SPG11: variants seen among roughly 807,000 people sequenced by gnomAD.
The protein encoded by SPG11 is spatacsin.
Under a neutral mutation model 274.0 loss-of-function variants are expected in SPG11, and 222 were observed. The ratio of observed to expected loss-of-function variants is 0.81; its 90% CI spans 0.73 to 0.91. The LOEUF is 0.91. Among genes scored for constraint, SPG11 ranks in the 40% least tolerant of loss-of-function variants. SPG11 has a pLI of 0.00. For synonymous variants in SPG11, 1,144 were observed against 1,039.7 expected (o/e 1.10, Z -1.93); for missense variants, 3,114 against 2,872.7 (o/e 1.08, Z -1.92).
chr15:44,638,872 T>C (rs917944502), intron 7 of SPG11, among the ~76,000 whole-genome samples: 4 of 152,042 alleles, frequency 2.6e-5, no homozygotes, highest in African/African-American at 9.7e-5. Flanking sequence ...GGTGCATGCC[T>C]GTAATCCTAG....
At chr15:44,620,721 CAG>C (rs1325891560) in intron 14 of SPG11, 2 of 246,378 alleles carry the variant, frequency 8.1e-6, no homozygotes, top group East Asian at 1.1e-4. Flanking sequence ...TTTTTTGAGA[CAG>C]AGTCTCGCTC....
chr15:44,633,445 T>C (rs2084140960), intron 8 of SPG11, 60 bp downstream of exon 8: 2 of 1,419,164 alleles, frequency 1.4e-6, no homozygotes, highest in Non-Finnish European at 1.9e-6. Context: ...CATCATACTT[T>C]GAAAGTTATT....
chr15:44,640,038 G>A (rs1459568357), intron 7 of SPG11, among the ~76,000 whole-genome samples: 2 of 151,912 alleles, frequency 1.3e-5, no homozygotes, highest in African/African-American at 2.4e-5. Flanking sequence ...GTGAAACCCC[G>A]TCTCTACTAA....
chr15:44,598,898 C>A (rs2083113904), intron 21 of SPG11, 62 bp from the exon 22 acceptor site: 4 of 1,505,514 alleles, frequency 2.7e-6, no homozygotes, highest in East Asian at 2.3e-5. Flanking sequence ...CCAGGAAAAG[C>A]AAATGGAATT....
rs147550048 is a variant in SPG11, at chr15:44,589,420, A to G, written c.4744-6T>C. The G allele has an allele frequency of 1.9e-3, 3,064 of 1,614,030 alleles. 7 individuals are homozygous for G. Among genetic ancestry groups the G allele is most frequent in the Non-Finnish European group, 2.4e-3 (2,853 of 1,179,894 alleles). ...TTTGTGGCTGCTGTGTTAAGCTATGAAAGAAAAAGAGAAGCTTAGGGAAAG... is the reference window on the plus strand; with the variant it reads ...TTTGTGGCTGCTGTGTTAAGCTATGGAAGAAAAAGAGAAGCTTAGGGAAAG... On this transcript the variant is annotated splice_polypyrimidine_tract_variant and splice_region_variant and intron_variant, in intron 27 of 39. Coordinates refer to ENST00000261866, the MANE Select transcript of SPG11 (RefSeq NM_025137.4).
At chr15:44,659,958 G>A (rs553877958) in intron 2 of SPG11, among the ~76,000 whole-genome samples, 3 of 152,294 alleles carry the variant, frequency 2.0e-5, no homozygotes, top group South Asian at 2.1e-4. Context: ...CTACTCAGAA[G>A]GCTGAGGTGG....
intron 22 of SPG11, 67 bp downstream of exon 22, chr15:44,598,564 C>A: frequency 2.0e-6 from 3 of 1,482,330 alleles, no homozygotes; most frequent in Non-Finnish European, 9.4e-7. Context: ...CAAACACTCA[C>A]AATTCAATGC....
At chr15:44,565,747 G>T in intron 38 of SPG11, 107 bp downstream of exon 38, 2 of 1,380,670 alleles carry the variant, frequency 1.4e-6, no homozygotes, top group Non-Finnish European at 1.0e-6. Context: ...GAACTGTACT[G>T]TCCTGGTTCT....
intron 4 of SPG11, among the ~76,000 whole-genome samples, chr15:44,653,831 T>C (rs1017451984): frequency 3.9e-5 from 6 of 152,192 alleles, no homozygotes; most frequent in Non-Finnish European, 7.3e-5. Context: ...CAGTTGACCC[T>C]TGAATATCAC....
chr15:44,630,109 T>C (rs1019127818), intron 8 of SPG11, among the ~76,000 whole-genome samples: 2 of 152,198 alleles, frequency 1.3e-5, no homozygotes, highest in African/African-American at 2.4e-5. Flanking sequence ...TTTAAGCCTG[T>C]CTGATTGCAA....
At chr15:44,645,779 C>T (rs1273593975) in intron 7 of SPG11, among the ~76,000 whole-genome samples, 2 of 152,128 alleles carry the variant, frequency 1.3e-5, no homozygotes, top group East Asian at 1.9e-4. Flanking sequence ...CAAAAAACAA[C>T]CCCATTAAAA....
chr15:44,631,218 C>T (rs2084051260), intron 8 of SPG11, among the ~76,000 whole-genome samples: 1 of 152,094 alleles, frequency 6.6e-6, no homozygotes, highest in Non-Finnish European at 1.5e-5. Flanking sequence ...CAGCTAAGAA[C>T]TAGAATAAAT....
chr15:44,569,583 G>A, intron 34 of SPG11, 78 bp from the exon 35 acceptor site: 1 of 1,123,186 alleles, frequency 8.9e-7, no homozygotes, highest in Non-Finnish European at 1.3e-6. Flanking sequence ...ACCATCAGTG[G>A]TTGCTTTCAG....
chr15:44,657,435 C>G (rs1244115389), intron 3 of SPG11, 139 bp from the exon 4 acceptor site: 3 of 735,540 alleles, frequency 4.1e-6, no homozygotes, highest in Non-Finnish European at 6.7e-6. Context: ...TGAGGCAAGC[C>G]CCCATTATAA....
intron 28 of SPG11, among the ~76,000 whole-genome samples, chr15:44,588,336 A>T (rs992430927): frequency 1.1e-4 from 16 of 151,778 alleles, no homozygotes; most frequent in African/African-American, 3.9e-4. Flanking sequence ...ATTTTCTCTG[A>T]AACTTTAAAA....
rs1045667327 is a variant in SPG11, at chr15:44,610,099, C to T, written c.3291+741G>A. 2.6e-5 allele frequency among the ~76,000 whole-genome samples: 4 copies of T among 151,800 alleles called. No individual in the cohort carries two copies. In the South Asian group the frequency reaches 8.3e-4, roughly 32 times the overall value. On this transcript the variant is annotated intron_variant, in intron 18 of 39. Transcript: ENST00000261866. Reference sequence around the variant, plus strand: ...TGTATTTTTAGTAGAGACGGGGTTTCAGCATGTTGGCCAGGCTGGTTTTGA... The same window carrying T: ...TGTATTTTTAGTAGAGACGGGGTTTTAGCATGTTGGCCAGGCTGGTTTTGA...
chr15:44,585,927 G>T, intron 28 of SPG11, 77 bp from the exon 29 acceptor site: 1 of 1,206,748 alleles, frequency 8.3e-7, no homozygotes, highest in Non-Finnish European at 1.2e-6. Flanking sequence ...ATACATATCA[G>T]GGGGAAAATA....
rs1438545299 is a variant in SPG11 at position 44,567,572 on chromosome 15, G to T, written c.6606C>A (p.Ala2202=). 4 of 1,613,790 alleles carry T rather than the reference G, an allele frequency of 2.5e-6. No homozygotes were observed. Among genetic ancestry groups the T allele is most frequent in the African/African-American group, 1.3e-5 (1 of 74,860 alleles). The change falls in exon 36 of 40, where the codon GCC becomes GCA. Residue 2202 remains alanine, a synonymous_variant. Coordinates refer to ENST00000261866, the MANE Select transcript of SPG11 (RefSeq NM_025137.4). ...KLDPSGTLKT[A]LLDYIKRCRP... The stretch of plus-strand genomic sequence containing the variant: ...GGCAGCGTTTGATGTAGTCCAGCAG[G>T]GCTGTTTTCAGGGTACCACTCTGCC...
chr15:44,621,231 G>T (rs900495649), intron 14 of SPG11: 3 of 154,472 alleles, frequency 1.9e-5, no homozygotes, highest in Admixed American at 6.5e-5. Flanking sequence ...CGTATTAGCT[G>T]TACATTTCAC....
Sources: gnomAD v4.1 joint callset for allele counts (sites outside exome capture counted in the v4.1 genomes callset) on GRCh38, gnomAD v4.1.1 for gene constraint, MANE v1.5 for transcripts, NCBI Gene and HGNC (gene_info 2026-07-23, HGNC 2026-07-21) for gene names.